The following ENOX1 variants were observed in gnomAD, a reference collection of about 807,000 sequenced individuals.
ENOX1 encodes the protein ecto-NOX disulfide-thiol exchanger 1.
Under a neutral mutation model 82.5 loss-of-function variants are expected in ENOX1, and 42 were observed. The ratio of observed to expected loss-of-function variants is 0.51; its 90% CI spans 0.40 to 0.66. The LOEUF (loss-of-function observed/expected upper bound fraction) is 0.66. Ranked by LOEUF, ENOX1 falls within the 30% of genes least tolerant of loss-of-function variation. The pLI is 0.00. For missense variants in ENOX1, 608 were observed against 811.6 expected, an observed-to-expected ratio of 0.75 and a Z score of 3.05; for synonymous variants, 271 against 282.2, an observed-to-expected ratio of 0.96 and a Z score of 0.40.
chr13:43,566,168 G>A (rs563664702), intron 2 of ENOX1, among the ~76,000 whole-genome samples: 15 of 152,172 alleles, frequency 9.9e-5, no homozygotes, highest in African/African-American at 3.6e-4. Flanking sequence ...GTTGCTCTGG[G>A]GATGTTAGTG....
At chr13:43,448,547 G>T (rs559747827) in intron 3 of ENOX1, among the ~76,000 whole-genome samples, 1 of 152,190 alleles carries the variant, frequency 6.6e-6, no homozygotes, top group South Asian at 2.1e-4. Flanking sequence ...AAAGTGAAGA[G>T]AAAAAAGAAA....
At chr13:43,299,473 G>A (rs1025339658) in intron 11 of ENOX1, among the ~76,000 whole-genome samples, 8 of 152,078 alleles carry the variant, frequency 5.3e-5, no homozygotes, top group African/African-American at 1.4e-4. Flanking sequence ...CTGTGATGCC[G>A]GTGCTGGTCT....
At chr13:43,698,668 TG>T (rs2086761849) in intron 1 of ENOX1, among the ~76,000 whole-genome samples, 1 of 152,162 alleles carries the variant, frequency 6.6e-6, no homozygotes, top group African/African-American at 2.4e-5. Flanking sequence ...CTTAACACCA[TG>T]ATCAAAAATA....
intron 2 of ENOX1, among the ~76,000 whole-genome samples, chr13:43,658,643 A>G (rs778148148): frequency 1.3e-5 from 2 of 152,180 alleles, no homozygotes; most frequent in African/African-American, 2.4e-5. Flanking sequence ...GAGCAAACAC[A>G]TTAGGTGTTT....
At chr13:43,501,024 C>T (rs937514530) in intron 2 of ENOX1, among the ~76,000 whole-genome samples, 9 of 151,532 alleles carry the variant, frequency 5.9e-5, no homozygotes, top group African/African-American at 1.9e-4. Context: ...AGACAACTAA[C>T]AATATAACAA....
In ENOX1 at chr13:43,408,525, A is replaced by ACC; in HGVS notation, c.208+3390_208+3391insGG. On this transcript the variant is annotated intron_variant, in intron 5 of 16. Transcript: ENST00000690772. ...CTTTAAGTCCCTTCTGAAACATTAA[A>ACC]GGCTGCCTCTAACATTCTGCATTCA... Among the ~76,000 whole-genome samples the ACC allele has an allele frequency of 2.0e-5, 3 of 152,308 alleles. No homozygotes were observed. In the South Asian group the frequency reaches 6.2e-4, roughly 32 times the overall value.
intron 3 of ENOX1, among the ~76,000 whole-genome samples, chr13:43,456,468 G>A (rs567933281): frequency 7.2e-5 from 11 of 152,130 alleles, no homozygotes; most frequent in Non-Finnish European, 1.5e-4. Context: ...GCATCCCTCC[G>A]AGGTAACAGA....
intron 5 of ENOX1, among the ~76,000 whole-genome samples, chr13:43,388,260 A>C (rs1439463988): frequency 6.6e-6 from 1 of 152,220 alleles, no homozygotes; most frequent in Non-Finnish European, 1.5e-5. Context: ...CCAGAAGACT[A>C]AACAGGAAAA....
intron 14 of ENOX1, among the ~76,000 whole-genome samples, chr13:43,252,725 G>A (rs1404760052): frequency 6.6e-6 from 1 of 152,138 alleles, no homozygotes; most frequent in Non-Finnish European, 1.5e-5. Flanking sequence ...CATAGTCTTG[G>A]AGGTTTGATT....
At chr13:43,431,844 C>A (rs1253457427) in intron 3 of ENOX1, among the ~76,000 whole-genome samples, 1 of 152,172 alleles carries the variant, frequency 6.6e-6, no homozygotes, top group African/African-American at 2.4e-5. Context: ...AAACGCCTCA[C>A]CTGGGAGCAC....
intron 1 of ENOX1, among the ~76,000 whole-genome samples, chr13:43,760,356 TC>T (rs1407855272): frequency 3.3e-5 from 5 of 152,172 alleles, no homozygotes; most frequent in Non-Finnish European, 7.3e-5. Flanking sequence ...TTTTCAGTGC[TC>T]CTGGTAATCC....
chr13:43,504,187 G>A (rs2077073641), intron 2 of ENOX1, among the ~76,000 whole-genome samples: 1 of 151,754 alleles, frequency 6.6e-6, no homozygotes, highest in Non-Finnish European at 1.5e-5. Context: ...ATGTTGGTGA[G>A]GACACAGAGA....
At chr13:43,428,904 A>T (rs1249723732) in intron 3 of ENOX1, among the ~76,000 whole-genome samples, 1 of 152,228 alleles carries the variant, frequency 6.6e-6, no homozygotes, top group African/African-American at 2.4e-5. Context: ...GTGCTGAAAG[A>T]GTGAGGATCT....
chr13:43,216,432 G>A (rs1043364393), intron 16 of ENOX1, among the ~76,000 whole-genome samples: 1 of 152,214 alleles, frequency 6.6e-6, no homozygotes, highest in African/African-American at 2.4e-5. Context: ...ATGGAATATT[G>A]ATAGAAAATG....
At chr13:43,331,176 G>T (rs776850314) in intron 9 of ENOX1, among the ~76,000 whole-genome samples, 5 of 152,278 alleles carry the variant, frequency 3.3e-5, no homozygotes, top group Non-Finnish European at 5.9e-5. Flanking sequence ...TCAAGCTCTG[G>T]GCAGGAATGC....
chr13:43,477,830 C>G (rs1426746299), intron 3 of ENOX1, among the ~76,000 whole-genome samples: 1 of 152,132 alleles, frequency 6.6e-6, no homozygotes. Flanking sequence ...TGCACACTTA[C>G]AAGTGTTGAT....
At chr13:43,758,445 A>G (rs998589817) in intron 1 of ENOX1, among the ~76,000 whole-genome samples, 44 of 141,392 alleles carry the variant, frequency 3.1e-4, no homozygotes, top group Middle Eastern at 3.5e-3. Context: ...AATGGTGAAC[A>G]GATCTGTTGC....
rs932241409 is a variant in ENOX1, at chr13:43,617,866, C to T, written c.-219+49613G>A. 7.6e-5 allele frequency among the ~76,000 whole-genome samples: 11 copies of T among 145,642 alleles called. No individual in the cohort carries two copies. The East Asian group carries it at 2.2e-3, about 30-fold the overall frequency. ...GAAGTGTAGAAGTGTTCCCTGTTCACTGCATCCACGTCAACATCTACTGGT... is the reference window on the plus strand; with the variant it reads ...GAAGTGTAGAAGTGTTCCCTGTTCATTGCATCCACGTCAACATCTACTGGT... On this transcript the variant is annotated intron_variant, in intron 2 of 16. Coordinates refer to ENST00000690772, the MANE Select transcript of ENOX1 (RefSeq NM_001347969.2).
intron 3 of ENOX1, among the ~76,000 whole-genome samples, chr13:43,427,646 C>T (rs1313919418): frequency 1.3e-5 from 2 of 152,168 alleles, no homozygotes; most frequent in East Asian, 3.8e-4. Flanking sequence ...TAGCACTGTG[C>T]TTGATACCAA....
Sources: gnomAD v4.1 joint callset for allele counts (sites outside exome capture counted in the v4.1 genomes callset) on GRCh38, gnomAD v4.1.1 for gene constraint, MANE v1.5 for transcripts, NCBI Gene and HGNC (gene_info 2026-07-23, HGNC 2026-07-21) for gene names.